DNAH8: variants seen among roughly 807,000 people sequenced by gnomAD.
The protein encoded by DNAH8 is dynein axonemal heavy chain 8.
A neutral mutation model predicts 562.1 loss-of-function variants in DNAH8; 382 were observed. The ratio of observed to expected loss-of-function variants is 0.68; its 90% CI spans 0.63 to 0.74. DNAH8 has a LOEUF of 0.74. Ranked by LOEUF, DNAH8 falls within the 30% of genes least tolerant of loss-of-function variation. The pLI is 0.00. For synonymous variants in DNAH8, 1,881 were observed against 1,919.4 expected (o/e 0.98, Z 0.52); for missense variants, 5,203 against 5,620.4 (o/e 0.93, Z 2.37).
At chr6:38,891,948 T>A (rs1410900846) in intron 58 of DNAH8, among the ~76,000 whole-genome samples, 1 of 152,202 alleles carries the variant, frequency 6.6e-6, no homozygotes, top group African/African-American at 2.4e-5. Context: ...TCTTGCCACA[T>A]CTCAAGGTTA....
intron 83 of DNAH8, among the ~76,000 whole-genome samples, chr6:38,973,058 A>C (rs1763447690): frequency 6.6e-6 from 1 of 152,248 alleles, no homozygotes; most frequent in Admixed American, 6.5e-5. Context: ...ATGTTCTCAC[A>C]GGGCAGTGAT....
chr6:38,745,428 A>AT, intron 8 of DNAH8, among the ~76,000 whole-genome samples: 1 of 152,260 alleles, frequency 6.6e-6, no homozygotes, highest in Middle Eastern at 3.4e-3. Flanking sequence ...TGTGGCTTGT[A>AT]TTTTTTAAAA....
At chr6:38,991,306 A>T (rs1245653808) in intron 88 of DNAH8, among the ~76,000 whole-genome samples, 1 of 152,136 alleles carries the variant, frequency 6.6e-6, no homozygotes, top group Non-Finnish European at 1.5e-5. Flanking sequence ...CCAATGCTTC[A>T]TTCCACCCCC....
At chr6:38,891,304 C>T (rs1779324876) in intron 58 of DNAH8, among the ~76,000 whole-genome samples, 1 of 152,132 alleles carries the variant, frequency 6.6e-6, no homozygotes, top group African/African-American at 2.4e-5. Context: ...CAGCTGTCCC[C>T]AGATGACTTA....
chr6:38,873,628 G>T (rs1310043022), intron 52 of DNAH8, among the ~76,000 whole-genome samples: 1 of 151,798 alleles, frequency 6.6e-6, no homozygotes, highest in Admixed American at 6.6e-5. Flanking sequence ...CCATTGTCAG[G>T]TTTAGTGACC....
At chr6:38,954,347 A>G (rs1238278786) in intron 82 of DNAH8, among the ~76,000 whole-genome samples, 1 of 152,246 alleles carries the variant, frequency 6.6e-6, no homozygotes, top group Non-Finnish European at 1.5e-5. Context: ...AAACTGATAT[A>G]ACAATATGTA....
rs1228058493 is a variant in DNAH8, at chr6:38,842,648, C to T, written c.4605-15C>T. On this transcript the variant is annotated splice_polypyrimidine_tract_variant and intron_variant, in intron 34 of 92. Coordinates refer to ENST00000327475, the MANE Select transcript of DNAH8 (RefSeq NM_001206927.2). The stretch of plus-strand genomic sequence containing the variant: ...TGTGAAGGTGGCATATTTTTTTTCT[C>T]TTTCTTTCTGAAAGATGTCGTAAAC... 17 of 1,602,338 alleles carry T rather than the reference C, an allele frequency of 1.1e-5. No individual in the cohort carries two copies. The Admixed American group carries it at 1.7e-4, about 16-fold the overall frequency.
intron 11 of DNAH8, among the ~76,000 whole-genome samples, chr6:38,767,820 G>C (rs982606407): frequency 6.6e-6 from 1 of 152,136 alleles, no homozygotes; most frequent in African/African-American, 2.4e-5. Flanking sequence ...TTCCTAGAAG[G>C]GAAATTGTTG....
In DNAH8 at chr6:38,750,563, T is replaced by G; in HGVS notation, c.1381T>G (p.Cys461Gly). The change falls in exon 9 of 93, where the codon TGT becomes GGT. Residue 461 changes from cysteine to glycine, a missense_variant. Around this residue, in one of 6 missense-constraint regions of DNAH8, gnomAD observed 2,176 missense variants for 2,365.1 expected, o/e 0.92. Coordinates refer to ENST00000327475, the MANE Select transcript of DNAH8 (RefSeq NM_001206927.2). ...ATATTTGTATACTTTGGAAAAAGTGTGTCAACCTCTCTATAACCATGACCT... is the reference window on the plus strand; with the variant it reads ...ATATTTGTATACTTTGGAAAAAGTGGGTCAACCTCTCTATAACCATGACCT... ...VRYLYTLEKV[C>G]QPLYNHDLVS... The G allele has an allele frequency of 6.2e-7, 1 of 1,609,448 alleles. No individual in the cohort carries two copies. Among genetic ancestry groups the G allele is most frequent in the Non-Finnish European group, 8.5e-7 (1 of 1,176,444 alleles).
At chr6:38,923,810 C>G (rs1247496484) in intron 72 of DNAH8, among the ~76,000 whole-genome samples, 181 bp from the exon 73 acceptor site, 1 of 152,106 alleles carries the variant, frequency 6.6e-6, no homozygotes, top group Non-Finnish European at 1.5e-5. Flanking sequence ...CATGTGGCCA[C>G]TCCTACCCAC....
At chr6:38,780,550 C>T (rs772686407) in intron 15 of DNAH8, among the ~76,000 whole-genome samples, 3 of 151,932 alleles carry the variant, frequency 2.0e-5, no homozygotes, top group African/African-American at 4.8e-5. Flanking sequence ...GGAACATGGA[C>T]GAAGCTAGAG....
At chr6:39,008,211 C>G (rs1047967038) in intron 88 of DNAH8, among the ~76,000 whole-genome samples, 4 of 152,048 alleles carry the variant, frequency 2.6e-5, no homozygotes, top group African/African-American at 9.7e-5. Context: ...TAGAACTTAG[C>G]TCAGTGCCTG....
intron 53 of DNAH8, among the ~76,000 whole-genome samples, chr6:38,877,849 GT>G (rs992490356): frequency 1.3e-5 from 2 of 151,924 alleles, no homozygotes; most frequent in Non-Finnish European, 2.9e-5. Context: ...GTGTAAGACG[GT>G]TTTTTTTCAG....
In DNAH8 at chr6:38,815,625, A is replaced by G. The variant is rs1174993747; in HGVS notation, c.3491A>G (p.Gln1164Arg). The change falls in exon 26 of 93, where the codon CAA (glutamine) becomes CGA (arginine). Residue 1164 changes from glutamine to arginine, a missense_variant. Physicochemically the swap from Gln to Arg is conservative, Grantham distance 43. Around this residue, in one of 6 missense-constraint regions of DNAH8, gnomAD observed 2,176 missense variants for 2,365.1 expected, o/e 0.92. Coordinates refer to ENST00000327475, the MANE Select transcript of DNAH8 (RefSeq NM_001206927.2). ...PSPTTTDVTH[Q>R]NTGKLLKKEE... Reference sequence around the variant, plus strand: ...CCCACCACTACTGACGTGACCCATCAAAACACAGGAAAACTGCTGAAGAAG... The same window carrying G: ...CCCACCACTACTGACGTGACCCATCGAAACACAGGAAAACTGCTGAAGAAG... The G allele has an allele frequency of 2.5e-6, 4 of 1,613,424 alleles. No homozygotes were observed. In the South Asian group the frequency reaches 4.4e-5, roughly 18 times the overall value.
At chr6:38,885,535 C>T (rs771053565) in intron 56 of DNAH8, among the ~76,000 whole-genome samples, 1 of 152,156 alleles carries the variant, frequency 6.6e-6, no homozygotes, top group African/African-American at 2.4e-5. Flanking sequence ...TCCAAAGAGA[C>T]TTGTAGAATA....
At chr6:38,728,374 A>G (rs1202786439) in intron 3 of DNAH8, among the ~76,000 whole-genome samples, 1 of 98,106 alleles carries the variant, frequency 1.0e-5, no homozygotes, top group African/African-American at 3.0e-5. Flanking sequence ...GTTATGTAAT[A>G]TAAGTGAATT....
chr6:38,804,325 C>A (rs1030596759), intron 22 of DNAH8, among the ~76,000 whole-genome samples: 2 of 152,302 alleles, frequency 1.3e-5, no homozygotes, highest in African/African-American at 4.8e-5. Context: ...CTAGATATAA[C>A]AAATCTTTGG....
In DNAH8 at chr6:38,929,567, G is replaced by T. The variant is rs1782376139; in HGVS notation, c.11175G>T (p.Leu3725Phe). 1 of 1,612,668 alleles carries T rather than the reference G, an allele frequency of 6.2e-7. No individual in the cohort carries two copies. The highest frequency in any genetic ancestry group is 1.1e-5 in the South Asian group (1 of 90,964). ...CACACTTGGAGGACAGCCTTTCCTT[G>T]GGCCGACCCCTTCTCATTGAGGACA... Reference protein sequence around the residue: ...FRTHLEDSLSLGRPLLIEDIH... With the variant: ...FRTHLEDSLSFGRPLLIEDIH... The change falls in exon 75 of 93, where the codon TTG becomes TTT. Residue 3725 changes from leucine to phenylalanine, a missense_variant. By Grantham distance (22) the Leu-to-Phe change is conservative. Around this residue, in one of 6 missense-constraint regions of DNAH8, gnomAD observed 1,399 missense variants for 1,518.4 expected, o/e 0.92. Coordinates refer to ENST00000327475, the MANE Select transcript of DNAH8 (RefSeq NM_001206927.2).
At chr6:39,006,778 T>C (rs1765824309) in intron 88 of DNAH8, among the ~76,000 whole-genome samples, 1 of 152,210 alleles carries the variant, frequency 6.6e-6, no homozygotes, top group Admixed American at 6.5e-5. Context: ...GAAAGATTTT[T>C]CCCCCACTTA....
Sources: allele counts gnomAD v4.1 joint callset (sites outside exome capture counted in the v4.1 genomes callset), GRCh38; gene constraint gnomAD v4.1.1; regional missense constraint gnomAD v4.1.1; transcripts MANE v1.5; gene names NCBI Gene and HGNC (gene_info 2026-07-23, HGNC 2026-07-21).